The following ZFHX3 variants were observed in gnomAD, a reference collection of about 807,000 sequenced individuals.
ZFHX3 encodes zinc finger homeobox 3, also known as zinc finger homeobox protein 3.
A neutral mutation model predicts 279.1 loss-of-function variants in ZFHX3; 42 were observed. The observed-to-expected ratio is 0.15, with a 90% CI of 0.12 to 0.19. The LOEUF is 0.19. Among genes scored for constraint, ZFHX3 ranks in the 10% least tolerant of loss-of-function variants. The pLI, the probability that ZFHX3 is intolerant of heterozygous loss-of-function variation, is 1.00. For missense variants in ZFHX3, 4,981 were observed against 4,754.0 expected, an observed-to-expected ratio of 1.05 and a Z score of -1.40; for synonymous variants, 2,293 against 1,957.8, an observed-to-expected ratio of 1.17 and a Z score of -4.52.
intron 2 of ZFHX3, among the ~76,000 whole-genome samples, chr16:73,654,183 CA>C (rs35720246): frequency 1.7e-3 from 151 of 88,984 alleles, no homozygotes; most frequent in East Asian, 8.4e-3. Flanking sequence ...GACTCAGTCT[CA>C]AAAAAAAAAA....
At chr16:72,925,668 T>C (rs1196343229) in intron 3 of ZFHX3, among the ~76,000 whole-genome samples, 2 of 152,378 alleles carry the variant, frequency 1.3e-5, no homozygotes, top group Non-Finnish European at 2.9e-5. Flanking sequence ...AAGGAATGAA[T>C]GAAAGCAAAT....
At chr16:73,129,645 C>T (rs1158908389) in intron 7 of ZFHX3, among the ~76,000 whole-genome samples, 8 of 150,898 alleles carry the variant, frequency 5.3e-5, no homozygotes, top group Non-Finnish European at 7.4e-5. Flanking sequence ...TGTGCGTGTG[C>T]GTGTGTGCAT....
rs185689993 is a variant in ZFHX3, at chr16:73,021,634, C to T, written c.-50+26118G>A. Among the ~76,000 whole-genome samples, 314 of 151,564 alleles carry T rather than the reference C, an allele frequency of 2.1e-3. 2 individuals are homozygous for T. The highest frequency in any genetic ancestry group is 7.4e-3 in the African/African-American group (305 of 41,280). On this transcript the variant is annotated intron_variant, in intron 1 of 9. Transcript: ENST00000268489. ...TCACCTGAGGTCAGGAGTTTGAGAC[C>T]AGCCTGGCCAACATAGTGAAACCCT...
chr16:73,275,444 G>A (rs2014269540), intron 4 of ZFHX3, among the ~76,000 whole-genome samples: 1 of 152,100 alleles, frequency 6.6e-6, no homozygotes, highest in Admixed American at 6.6e-5. Context: ...AAGATCACAT[G>A]GTCGTCTTTC....
chr16:72,842,311 C>T (rs1055034810), intron 4 of ZFHX3, among the ~76,000 whole-genome samples: 4 of 151,974 alleles, frequency 2.6e-5, no homozygotes, highest in Non-Finnish European at 4.4e-5. Context: ...TTAGCCTCCT[C>T]GGCTCAGGCA....
At chr16:73,482,633 A>G (rs2018890050) in intron 2 of ZFHX3, among the ~76,000 whole-genome samples, 1 of 152,220 alleles carries the variant, frequency 6.6e-6, no homozygotes. Flanking sequence ...CCCCTCACTC[A>G]TAGTGATTTA....
At chr16:73,309,851 A>G (rs2015281801) in intron 4 of ZFHX3, among the ~76,000 whole-genome samples, 1 of 151,426 alleles carries the variant, frequency 6.6e-6, no homozygotes, top group Non-Finnish European at 1.5e-5. Flanking sequence ...GTTTAGTTAA[A>G]ATTCTGTAAA....
intron 2 of ZFHX3, among the ~76,000 whole-genome samples, chr16:73,678,690 A>T (rs2052979083): frequency 6.6e-6 from 1 of 152,282 alleles, no homozygotes; most frequent in African/African-American, 2.4e-5. Flanking sequence ...TGTCTGAAGG[A>T]AATATTAAAA....
intron 2 of ZFHX3, among the ~76,000 whole-genome samples, chr16:73,459,932 A>T (rs1485666868): frequency 1.3e-5 from 2 of 152,150 alleles, no homozygotes; most frequent in African/African-American, 2.4e-5. Context: ...CATGGTGATT[A>T]TGGGGATTAC....
intron 2 of ZFHX3, among the ~76,000 whole-genome samples, chr16:73,660,246 C>T (rs1308231349): frequency 2.0e-5 from 3 of 152,156 alleles, no homozygotes; most frequent in Non-Finnish European, 4.4e-5. Flanking sequence ...CACAGTCAAA[C>T]GTGTGCCTTT....
At chr16:73,606,643 A>T (rs942063718) in intron 2 of ZFHX3, among the ~76,000 whole-genome samples, 14 of 152,120 alleles carry the variant, frequency 9.2e-5, no homozygotes, top group Non-Finnish European at 1.6e-4. Context: ...ACATAGGTAA[A>T]CGGTGGCTGT....
chr16:73,314,947 G>T (rs974739249), intron 4 of ZFHX3, among the ~76,000 whole-genome samples: 1 of 152,196 alleles, frequency 6.6e-6, no homozygotes, highest in African/African-American at 2.4e-5. Context: ...AATAATTCAG[G>T]CTGGGCGTGA....
chr16:72,926,060 C>T (rs1959432763), intron 3 of ZFHX3, among the ~76,000 whole-genome samples: 2 of 152,222 alleles, frequency 1.3e-5, no homozygotes, highest in African/African-American at 4.8e-5. Context: ...TTAAAAAGCA[C>T]AGGCCTCCCT....
chr16:73,581,018 C>A (rs914452739), intron 2 of ZFHX3, among the ~76,000 whole-genome samples: 1 of 151,946 alleles, frequency 6.6e-6, no homozygotes, highest in African/African-American at 2.4e-5. Flanking sequence ...AGTCTGGACA[C>A]AAGGTGTGTT....
chr16:72,876,407 T>A (rs1449762542), intron 4 of ZFHX3, among the ~76,000 whole-genome samples: 5 of 152,118 alleles, frequency 3.3e-5, no homozygotes, highest in Non-Finnish European at 7.4e-5. Context: ...ACAGGAAGCT[T>A]GCAAGATGCT....
chr16:72,866,858 C>A (rs2038035888), intron 4 of ZFHX3, among the ~76,000 whole-genome samples: 2 of 152,204 alleles, frequency 1.3e-5, no homozygotes, highest in African/African-American at 2.4e-5. Context: ...GGCACAAACC[C>A]ACCGACCTGC....
chr16:72,810,826 T>C (rs562611654), intron 7 of ZFHX3, among the ~76,000 whole-genome samples: 3 of 152,306 alleles, frequency 2.0e-5, no homozygotes, highest in Admixed American at 1.3e-4. Flanking sequence ...TCAGTTAACA[T>C]CTTTGAGCCT....
intron 5 of ZFHX3, among the ~76,000 whole-genome samples, chr16:73,204,488 G>T (rs2011724704): frequency 6.6e-6 from 1 of 152,154 alleles, no homozygotes; most frequent in Admixed American, 6.5e-5. Context: ...GTGCTCCTGT[G>T]AGAATCTAAT....
At chr16:73,165,280 A>G (rs139565893) in intron 5 of ZFHX3, among the ~76,000 whole-genome samples, 1 of 152,308 alleles carries the variant, frequency 6.6e-6, no homozygotes, top group African/African-American at 2.4e-5. Flanking sequence ...CTAAGTTAGT[A>G]TATTTGGGGA....
Sources: allele counts gnomAD v4.1 joint callset (sites outside exome capture counted in the v4.1 genomes callset), GRCh38; gene constraint gnomAD v4.1.1; transcripts MANE v1.5; gene names NCBI Gene and HGNC (gene_info 2026-07-23, HGNC 2026-07-21).